PLCG2: variants seen among roughly 807,000 people sequenced by gnomAD.
PLCG2 encodes phospholipase C gamma 2, also known as 1-phosphatidylinositol 4,5-bisphosphate phosphodiesterase gamma-2.
Under a neutral mutation model 175.6 loss-of-function variants are expected in PLCG2, and 69 were observed. The ratio of observed to expected loss-of-function variants is 0.39; its 90% confidence interval spans 0.32 to 0.48. The LOEUF (loss-of-function observed/expected upper bound fraction) is 0.48, where lower values mean the gene tolerates loss of function less well. PLCG2 is among the 20% of genes least tolerant of loss of function. PLCG2 has a pLI of 0.91. For synonymous variants in PLCG2, 827 were observed against 624.0 expected (o/e 1.33, Z -4.85); for missense variants, 1,798 against 1,650.9 (o/e 1.09, Z -1.54).
At chr16:81,897,151 C>A (rs923718909) in intron 13 of PLCG2, among the ~76,000 whole-genome samples, 1 of 152,182 alleles carries the variant, frequency 6.6e-6, no homozygotes, top group Non-Finnish European at 1.5e-5. Flanking sequence ...AGATGGCAGG[C>A]CAGATTTGGG....
At chr16:81,786,681 G>T (rs1910987408) in intron 2 of PLCG2, among the ~76,000 whole-genome samples, 1 of 152,230 alleles carries the variant, frequency 6.6e-6, no homozygotes, top group Non-Finnish European at 1.5e-5. Flanking sequence ...TGCAGGTCTG[G>T]TCTTGGTAGA....
chr16:81,849,634 G>A (rs1200015551), intron 2 of PLCG2, among the ~76,000 whole-genome samples: 1 of 151,986 alleles, frequency 6.6e-6, no homozygotes, highest in African/African-American at 2.4e-5. Context: ...TTCCAGGTCT[G>A]GTGGCGGATG....
At chr16:81,872,946 G>C (rs757313021) in intron 7 of PLCG2, among the ~76,000 whole-genome samples, 1 of 152,266 alleles carries the variant, frequency 6.6e-6, no homozygotes, top group Non-Finnish European at 1.5e-5. Flanking sequence ...CACCTGATGG[G>C]TGACCACTGG....
chr16:81,753,355 T>G (rs1909852921), intron 1 of PLCG2, among the ~76,000 whole-genome samples: 1 of 151,082 alleles, frequency 6.6e-6, no homozygotes, highest in African/African-American at 2.4e-5. Context: ...TTTTTTTTTT[T>G]TTTTTTTTTT....
rs144733835 is a variant in PLCG2, at chr16:81,921,075, A to G, written c.2236-123A>G. The G allele has an allele frequency of 1.3e-3, 767 of 607,852 alleles. 6 individuals are homozygous for G. Among genetic ancestry groups the G allele is most frequent in the African/African-American group, 0.011 (622 of 54,112 alleles). 37.7% of individuals were successfully genotyped at this position (607,852 alleles called of 1,614,324 possible). On this transcript the variant is annotated intron_variant, in intron 20 of 32. Transcript: ENST00000564138. ...TACTCATGGGCCAAAAGAAAATTCT[A>G]TGAGGTTTCAACTCCTCTATCAAAG... is the stretch of plus-strand genomic sequence containing the variant.
intron 18 of PLCG2, among the ~76,000 whole-genome samples, chr16:81,911,228 G>C (rs1048417295): frequency 6.6e-6 from 1 of 152,122 alleles, no homozygotes; most frequent in Non-Finnish European, 1.5e-5. Context: ...ATTACTTATA[G>C]CAACTTTTTT....
chr16:81,889,324 C>T, intron 10 of PLCG2, 51 bp downstream of exon 10: 1 of 953,084 alleles, frequency 1.0e-6, no homozygotes, highest in Non-Finnish European at 1.7e-6. Flanking sequence ...TGATTGATGT[C>T]TGTGCTTTCT....
intron 2 of PLCG2, among the ~76,000 whole-genome samples, chr16:81,815,138 A>G (rs1904486570): frequency 6.6e-6 from 1 of 152,342 alleles, no homozygotes; most frequent in East Asian, 1.9e-4. Flanking sequence ...TAGGCTTAAA[A>G]TGAAGCACCT....
chr16:81,852,792 A>T (rs74248292), intron 2 of PLCG2, among the ~76,000 whole-genome samples: 1 of 152,040 alleles, frequency 6.6e-6, no homozygotes, highest in East Asian at 1.9e-4. Context: ...TGTGTTCCAC[A>T]TGTTGTCAGC....
At chr16:81,808,714 C>T (rs1290289647) in intron 2 of PLCG2, among the ~76,000 whole-genome samples, 4 of 152,138 alleles carry the variant, frequency 2.6e-5, no homozygotes, top group Non-Finnish European at 5.9e-5. Context: ...AGGATGGTCT[C>T]GATCTCCTGA....
At chr16:81,861,103 G>A (rs1017828995) in intron 5 of PLCG2, among the ~76,000 whole-genome samples, 1 of 152,142 alleles carries the variant, frequency 6.6e-6, no homozygotes, top group African/African-American at 2.4e-5. Context: ...CCGTGTATTT[G>A]GCATGCCAGG....
At chr16:81,905,645 C>T in intron 15 of PLCG2, 138 bp downstream of exon 15, 1 of 635,090 alleles carries the variant, frequency 1.6e-6, no homozygotes, top group African/African-American at 1.8e-5. Flanking sequence ...GTGAATTTAC[C>T]TTCCTTCTTA....
chr16:81,828,800 A>C (rs558077856), intron 2 of PLCG2, among the ~76,000 whole-genome samples: 2 of 152,350 alleles, frequency 1.3e-5, no homozygotes, highest in African/African-American at 4.8e-5. Context: ...AGTCGGGTAC[A>C]TAGAAGGTTT....
At position 81,797,577 on chromosome 16, in the gene PLCG2, A is replaced by G. The variant is rs527924264; in HGVS notation, c.193+11395A>G. Among the ~76,000 whole-genome samples, 269 of 152,334 alleles carry G rather than the reference A, an allele frequency of 1.8e-3. 1 individual carries two copies. The highest frequency in any genetic ancestry group is 2.3e-3 in the Non-Finnish European group (159 of 68,036). On this transcript the variant is annotated intron_variant, in intron 2 of 32. Coordinates refer to ENST00000564138, the MANE Select transcript of PLCG2 (RefSeq NM_002661.5). ...GGGGACTTCCCAGCACCTGGCCCAT[A>G]TCTGGCCTGTGGCTGGTGCTCCTCA...
chr16:81,741,414 G>A (rs1909591514), intron 1 of PLCG2, among the ~76,000 whole-genome samples: 1 of 152,198 alleles, frequency 6.6e-6, no homozygotes, highest in Non-Finnish European at 1.5e-5. Flanking sequence ...TTACTTGCAG[G>A]AGGAAGATTT....
chr16:81,936,182 C>A lies in PLCG2; in HGVS notation c.2856C>A (p.Phe952Leu). 2.5e-6 allele frequency: 4 copies of A among 1,614,048 alleles called. No individual in the cohort carries two copies. The highest frequency in any genetic ancestry group is 3.4e-6 in the Non-Finnish European group (4 of 1,180,036). The change falls in exon 27 of 33, where the codon TTC becomes TTA. Residue 952 changes from phenylalanine (F) to leucine (L), a missense_variant. Transcript: ENST00000564138. ...KTKDNLENPDFREIRSFVETK... is the reference protein window; with the variant it reads ...KTKDNLENPDLREIRSFVETK... ...CTCTGTGTGCAGAAAATCCTGACTT[C>A]CGAGAAATCCGCTCCTTTGTGGAGA...
chr16:81,859,079 T>G (rs1254126686), intron 4 of PLCG2, 37 bp from the exon 5 acceptor site: 1 of 1,327,294 alleles, frequency 7.5e-7, no homozygotes, highest in Non-Finnish European at 1.1e-6. Context: ...TCTAATTTTC[T>G]CTTTCTCTCT....
At chr16:81,829,916 G>A (rs1250363439) in intron 2 of PLCG2, among the ~76,000 whole-genome samples, 2 of 151,934 alleles carry the variant, frequency 1.3e-5, no homozygotes, top group Non-Finnish European at 2.9e-5. Context: ...TCGCTCTCTA[G>A]GGGGCTTATT....
chr16:81,814,674 A>T (rs1211578847), intron 2 of PLCG2, among the ~76,000 whole-genome samples: 2 of 152,054 alleles, frequency 1.3e-5, no homozygotes, highest in East Asian at 3.9e-4. Context: ...CAGCCTGGGC[A>T]ACAGTACGAG....
Sources: gnomAD v4.1 joint callset for allele counts (sites outside exome capture counted in the v4.1 genomes callset) on GRCh38, gnomAD v4.1.1 for gene constraint, MANE v1.5 for transcripts, NCBI Gene and HGNC (gene_info 2026-07-23, HGNC 2026-07-21) for gene names.